Variants in DAW1 observed in about 807,000 individuals in gnomAD.
DAW1 encodes dynein assembly factor with WD repeat domains 1.
Under a neutral mutation model 56.5 loss-of-function variants are expected in DAW1, and 47 were observed. The ratio of observed to expected loss-of-function variants is 0.83; its 90% CI spans 0.66 to 1.06. DAW1 has a LOEUF of 1.06. DAW1 is among the 50% of genes least tolerant of loss of function. The probability of loss-of-function intolerance (pLI) is 0.00; values close to 1 mark genes in which losing one functional copy is unlikely to be tolerated. For synonymous variants in DAW1, 190 were observed against 179.0 expected (o/e 1.06, Z -0.49); for missense variants, 505 against 499.3 (o/e 1.01, Z -0.11).
intron 1 of DAW1, among the ~76,000 whole-genome samples, chr2:227,876,239 C>A (rs1690879883): frequency 6.6e-6 from 1 of 152,226 alleles, no homozygotes; most frequent in Non-Finnish European, 1.5e-5. Flanking sequence ...CCAGGATGGT[C>A]TTGATCTCCT....
intron 10 of DAW1, chr2:227,912,383 A>T: frequency 7.7e-7 from 1 of 1,304,694 alleles, no homozygotes; most frequent in Non-Finnish European, 1.0e-6. Flanking sequence ...CTTGGTAATC[A>T]TGTTTGATGT....
At chr2:227,902,097 T>A (rs910593659) in intron 6 of DAW1, among the ~76,000 whole-genome samples, 1 of 151,806 alleles carries the variant, frequency 6.6e-6, no homozygotes, top group Non-Finnish European at 1.5e-5. Context: ...AACAGGAGAA[T>A]GTATAGAGCC....
At chr2:227,887,988 G>T (rs7582104) in intron 2 of DAW1, among the ~76,000 whole-genome samples, 80,690 of 151,932 alleles carry the variant, frequency 0.53, 21,701 homozygotes, top group Admixed American at 0.62. Context: ...TGTTGAAAAC[G>T]TTTCAAAGGG....
intron 1 of DAW1, among the ~76,000 whole-genome samples, chr2:227,872,701 C>A (rs1283334838): frequency 7.0e-6 from 1 of 143,020 alleles, no homozygotes; most frequent in Non-Finnish European, 1.5e-5. Flanking sequence ...ACCCCCCCAA[C>A]CCCCGGCATT....
At chr2:227,878,048 A>G (rs1166135835) in intron 1 of DAW1, among the ~76,000 whole-genome samples, 3 of 152,256 alleles carry the variant, frequency 2.0e-5, no homozygotes, top group African/African-American at 7.2e-5. Flanking sequence ...CAAGTAGTGA[A>G]TAAAGAAAGC....
chr2:227,885,212 C>G (rs1219631618), intron 1 of DAW1, 139 bp from the exon 2 acceptor site: 1 of 521,334 alleles, frequency 1.9e-6, no homozygotes, highest in Non-Finnish European at 3.3e-6. Flanking sequence ...TGTTTTGGAA[C>G]TAGATATCAC....
Position 227,903,027 on chromosome 2 carries a change from G to T in DAW1, c.566G>T (p.Ser189Ile). ...GTGTGTTTATCATTTAACCCTCAAA[G>T]CACATTGGTGGCGACTGGAAGTATG... ...EIVCLSFNPQ[S>I]TLVATGSMDT... is the part of the protein sequence containing the mutation. The change falls in exon 7 of 13, where the codon AGC becomes ATC. Residue 189 changes from serine to isoleucine, a missense_variant. Coordinates refer to ENST00000309931, the MANE Select transcript of DAW1 (RefSeq NM_178821.3). 2 of 1,614,104 alleles carry T rather than the reference G, an allele frequency of 1.2e-6. No individual in the cohort carries two copies. Among genetic ancestry groups the T allele is most frequent in the Non-Finnish European group, 1.7e-6 (2 of 1,180,018 alleles).
At chr2:227,917,799 T>G (rs1343128911) in intron 10 of DAW1, among the ~76,000 whole-genome samples, 4 of 152,328 alleles carry the variant, frequency 2.6e-5, no homozygotes, top group African/African-American at 9.6e-5. Context: ...ACATTAATTC[T>G]AAAATGGCAG....
At chr2:227,910,615 C>T (rs1170227957) in intron 10 of DAW1, among the ~76,000 whole-genome samples, 3 of 151,836 alleles carry the variant, frequency 2.0e-5, no homozygotes, top group Non-Finnish European at 4.4e-5. Context: ...ACTATATCAC[C>T]CCTTTAACAA....
intron 1 of DAW1, among the ~76,000 whole-genome samples, chr2:227,878,165 A>T (rs1323383915): frequency 6.6e-6 from 1 of 152,214 alleles, no homozygotes; most frequent in Non-Finnish European, 1.5e-5. Context: ...CCTTTCTCTG[A>T]GTTACAGATT....
chr2:227,920,585 C>G (rs954800495), intron 11 of DAW1, among the ~76,000 whole-genome samples: 2 of 152,188 alleles, frequency 1.3e-5, no homozygotes, highest in Non-Finnish European at 2.9e-5. Context: ...TGAGAACATC[C>G]TTTCTTGTAG....
chr2:227,884,154 GTTTTTTA>G (rs963355106), intron 1 of DAW1, among the ~76,000 whole-genome samples: 15 of 151,998 alleles, frequency 9.9e-5, no homozygotes, highest in African/African-American at 3.4e-4. Context: ...CGCTTAGCAA[GTTTTTTA>G]TTTTCATTAT....
chr2:227,891,403 A>G lies in DAW1; in HGVS notation c.317+90A>G, dbSNP rs549823918. On this transcript the variant is annotated intron_variant, in intron 4 of 12. Coordinates refer to ENST00000309931, the MANE Select transcript of DAW1 (RefSeq NM_178821.3). ...GATTCCAGTTAGATAAGTACATAAT[A>G]TATTCATTTTTCTGATTTCAGTACT... is the stretch of plus-strand genomic sequence containing the variant. The G allele has an allele frequency of 2.9e-5, 33 of 1,132,488 alleles. No individual in the cohort carries two copies. The East Asian group carries it at 5.9e-4, about 20-fold the overall frequency. 70.2% of individuals were successfully genotyped at this position (1,132,488 alleles called of 1,614,324 possible).
At chr2:227,907,646 C>G (rs2106207490) in intron 10 of DAW1, among the ~76,000 whole-genome samples, 1 of 152,262 alleles carries the variant, frequency 6.6e-6, no homozygotes. Flanking sequence ...CTCCCAGGCT[C>G]AAGTAATTTT....
At chr2:227,921,740 G>A (rs1317662229) in intron 12 of DAW1, among the ~76,000 whole-genome samples, 179 bp downstream of exon 12, 1 of 152,170 alleles carries the variant, frequency 6.6e-6, no homozygotes, top group African/African-American at 2.4e-5. Flanking sequence ...ACCCACAGGA[G>A]TGAGCGCTGC....
chr2:227,907,449 A>G (rs1031216485), intron 10 of DAW1, among the ~76,000 whole-genome samples, 197 bp downstream of exon 10: 21 of 152,182 alleles, frequency 1.4e-4, no homozygotes, highest in East Asian at 1.9e-4. Flanking sequence ...ATGTTATGCA[A>G]TGTCTGTGTC....
At chr2:227,902,875 A>C in intron 6 of DAW1, 127 bp from the exon 7 acceptor site, 1 of 926,808 alleles carries the variant, frequency 1.1e-6, no homozygotes, top group Non-Finnish European at 1.6e-6. Context: ...GGTCACACAT[A>C]CGTGGGGTTT....
At chr2:227,901,730 A>C (rs1468880527) in intron 6 of DAW1, among the ~76,000 whole-genome samples, 1 of 152,230 alleles carries the variant, frequency 6.6e-6, no homozygotes, top group Non-Finnish European at 1.5e-5. Flanking sequence ...ACGAGTGAGC[A>C]GAAGATGGAC....
rs771136442 is a variant in DAW1, at chr2:227,898,177, C to T, written c.441-5C>T. ...TAAATAATCTACATTTCTTTTAAAT[C>T]TTAGTGACAAAATCGCCACTGGGTC... is the stretch of plus-strand genomic sequence containing the variant. On this transcript the variant is annotated splice_region_variant and splice_polypyrimidine_tract_variant and intron_variant, in intron 5 of 12. Coordinates refer to ENST00000309931, the MANE Select transcript of DAW1 (RefSeq NM_178821.3). 9 of 1,555,514 alleles carry T rather than the reference C, an allele frequency of 5.8e-6. No individual in the cohort carries two copies. In the South Asian group the frequency reaches 1.1e-4, roughly 20 times the overall value.
Sources: gnomAD v4.1 joint callset for allele counts (sites outside exome capture counted in the v4.1 genomes callset) on GRCh38, gnomAD v4.1.1 for gene constraint, MANE v1.5 for transcripts, NCBI Gene and HGNC (gene_info 2026-07-23, HGNC 2026-07-21) for gene names.